AMDHD1: variants seen among roughly 807,000 people sequenced by gnomAD.
The protein encoded by AMDHD1 is probable imidazolonepropionase.
A neutral mutation model predicts 44.1 loss-of-function variants in AMDHD1; 45 were observed. That is an observed-to-expected ratio of 1.02 (90% confidence interval 0.80 to 1.31). AMDHD1 has a LOEUF of 1.31. Among genes scored for constraint, AMDHD1 ranks in the 50% most tolerant of loss-of-function variants. The pLI, the probability that AMDHD1 is intolerant of heterozygous loss-of-function variation, is 0.00. For missense variants in AMDHD1, 586 were observed against 552.1 expected (o/e 1.06, Z -0.61); for synonymous variants, 206 against 205.0 (o/e 1.00, Z -0.04).
intron 1 of AMDHD1, among the ~76,000 whole-genome samples, chr12:95,944,233 CG>C (rs1192798618): frequency 6.6e-6 from 1 of 152,060 alleles, no homozygotes; most frequent in Admixed American, 6.6e-5. Context: ...CAATTGCACA[CG>C]ATCAATGAGT....
intron 6 of AMDHD1, among the ~76,000 whole-genome samples, chr12:95,965,048 C>T (rs2080602654): frequency 6.6e-6 from 1 of 151,636 alleles, no homozygotes; most frequent in Admixed American, 6.6e-5. Flanking sequence ...CCTGTAATCC[C>T]AGCACTTTGG....
At chr12:95,951,200 T>C (rs1253927191) in intron 1 of AMDHD1, among the ~76,000 whole-genome samples, 1 of 152,190 alleles carries the variant, frequency 6.6e-6, no homozygotes, top group East Asian at 1.9e-4. Flanking sequence ...AACCATATTT[T>C]TCTAGCCATT....
In AMDHD1 at chr12:95,952,773, G is replaced by C; in HGVS notation, c.194G>C (p.Gly65Ala). 1.2e-6 allele frequency: 2 copies of C among 1,613,084 alleles called. No homozygotes were observed. Among genetic ancestry groups the C allele is most frequent in the South Asian group, 1.1e-5 (1 of 91,034 alleles). The change falls in exon 2 of 9, where the codon GGA becomes GCA. Residue 65 changes from glycine (G) to alanine (A), a missense_variant. Gly to Ala is a moderately conservative substitution (Grantham distance 60). Coordinates refer to ENST00000266736, the MANE Select transcript of AMDHD1 (RefSeq NM_152435.3). Reference sequence around the variant, plus strand: ...GATGTTATTCAAAGACAGTTTTCTGGAGAAACTTTTGAAGAAATAATTGAC... The same window carrying C: ...GATGTTATTCAAAGACAGTTTTCTGCAGAAACTTTTGAAGAAATAATTGAC... ...PADVIQRQFS[G>A]ETFEEIIDCS...
chr12:95,965,298 C>CA (rs34398121), intron 6 of AMDHD1, among the ~76,000 whole-genome samples: 1,474 of 94,634 alleles, frequency 0.016, 35 homozygotes, highest in African/African-American at 0.019. Context: ...GATTCCATCT[C>CA]AAAAAAAAAA....
intron 6 of AMDHD1, among the ~76,000 whole-genome samples, chr12:95,964,483 A>G (rs2080598688): frequency 6.6e-6 from 1 of 152,090 alleles, no homozygotes; most frequent in Non-Finnish European, 1.5e-5. Flanking sequence ...TTACAGCCTC[A>G]CTTTTTCCTC....
rs192139000 is a variant in AMDHD1 at position 95,963,112 on chromosome 12, G to A, written c.938+633G>A. Among the ~76,000 whole-genome samples, 154 of 152,290 alleles carry A rather than the reference G, an allele frequency of 1.0e-3. 2 individuals are homozygous for A. The East Asian group carries it at 0.026, about 26-fold the overall frequency. ...TTCCCATTGTACCACTTACTTATAT[G>A]ATATCCAAGATTGTGGTCTGGGAGG... On this transcript the variant is annotated intron_variant, in intron 6 of 8. Coordinates refer to ENST00000266736, the MANE Select transcript of AMDHD1 (RefSeq NM_152435.3).
intron 1 of AMDHD1, among the ~76,000 whole-genome samples, chr12:95,946,364 C>T (rs1196984143): frequency 6.6e-6 from 1 of 152,034 alleles, no homozygotes; most frequent in Non-Finnish European, 1.5e-5. Flanking sequence ...GGACAATGAA[C>T]CTAAAATAGG....
At chr12:95,953,142 G>C (rs191298024) in intron 2 of AMDHD1, among the ~76,000 whole-genome samples, 1 of 152,142 alleles carries the variant, frequency 6.6e-6, no homozygotes, top group Non-Finnish European at 1.5e-5. Flanking sequence ...CCATTCATTC[G>C]ACTCCACTTC....
At chr12:95,960,688 C>T (rs762097837) in intron 5 of AMDHD1, 65 bp downstream of exon 5, 16 of 1,481,866 alleles carry the variant, frequency 1.1e-5, no homozygotes, top group Non-Finnish European at 1.5e-5. Flanking sequence ...CTATGGGAAA[C>T]TTAATTAGTT....
At chr12:95,966,259 C>A in intron 7 of AMDHD1, 89 bp from the exon 8 acceptor site, 1 of 1,451,806 alleles carries the variant, frequency 6.9e-7, no homozygotes, top group Non-Finnish European at 9.5e-7. Context: ...CCTTTAACTG[C>A]CTCTATTTGT....
chr12:95,963,592 A>G (rs1049254802), intron 6 of AMDHD1, among the ~76,000 whole-genome samples: 5 of 152,254 alleles, frequency 3.3e-5, no homozygotes, highest in Non-Finnish European at 5.9e-5. Flanking sequence ...CACAATGTAG[A>G]CTATAATCAG....
chr12:95,962,034 G>A (rs1359723487), intron 5 of AMDHD1, among the ~76,000 whole-genome samples: 5 of 152,188 alleles, frequency 3.3e-5, no homozygotes, highest in African/African-American at 4.8e-5. Context: ...TTTGGAGTCC[G>A]AGGCAGGCGG....
intron 7 of AMDHD1, among the ~76,000 whole-genome samples, chr12:95,966,078 T>A (rs1305483075): frequency 6.6e-6 from 1 of 152,176 alleles, no homozygotes; most frequent in Admixed American, 6.5e-5. Flanking sequence ...CTCCAAGAGG[T>A]CTTAGTAAGT....
intron 8 of AMDHD1, 122 bp from the exon 9 acceptor site, chr12:95,967,634 C>T: frequency 1.4e-6 from 1 of 737,404 alleles, no homozygotes. Flanking sequence ...GCCCAAATAC[C>T]ATTGACTGGG....
At chr12:95,952,876 T>A in intron 2 of AMDHD1, 53 bp downstream of exon 2, 1 of 1,071,832 alleles carries the variant, frequency 9.3e-7, no homozygotes, top group Non-Finnish European at 1.4e-6. Flanking sequence ...CAGTTGCTCC[T>A]GAAATGTAAA....
intron 8 of AMDHD1, 150 bp downstream of exon 8, chr12:95,966,658 G>C: frequency 3.9e-6 from 4 of 1,026,114 alleles, no homozygotes; most frequent in Non-Finnish European, 5.7e-6. Flanking sequence ...TTTCCAAAGA[G>C]CAAATCTACT....
At chr12:95,946,293 T>C (rs2080495481) in intron 1 of AMDHD1, among the ~76,000 whole-genome samples, 1 of 152,196 alleles carries the variant, frequency 6.6e-6, no homozygotes, top group Non-Finnish European at 1.5e-5. Context: ...ATGGAAAATG[T>C]TGAAGGAAAA....
At chr12:95,957,893 A>C (rs2080560595) in intron 4 of AMDHD1, among the ~76,000 whole-genome samples, 1 of 152,040 alleles carries the variant, frequency 6.6e-6, no homozygotes, top group Admixed American at 6.5e-5. Context: ...TCTCTACTAA[A>C]AATACAAAAA....
intron 4 of AMDHD1, among the ~76,000 whole-genome samples, chr12:95,959,102 C>T (rs1489256417): frequency 6.6e-6 from 1 of 151,964 alleles, no homozygotes; most frequent in East Asian, 1.9e-4. Flanking sequence ...AAAGAAATAA[C>T]TTGCGTAAGT....
Sources: gnomAD v4.1 joint callset for allele counts (sites outside exome capture counted in the v4.1 genomes callset) on GRCh38, gnomAD v4.1.1 for gene constraint, MANE v1.5 for transcripts, NCBI Gene and HGNC (gene_info 2026-07-23, HGNC 2026-07-21) for gene names.